The following SLC22A25 variants were observed in gnomAD, a reference collection of about 807,000 sequenced individuals.
The protein encoded by SLC22A25 is MGI:2442751, MGI:2385316, MGI:3042283, MGI:3645714, MGI:3605624, MGI:2442750.
A neutral mutation model predicts 45.9 loss-of-function variants in SLC22A25; 44 were observed. The observed-to-expected ratio is 0.96, with a 90% CI of 0.75 to 1.23. The LOEUF (loss-of-function observed/expected upper bound fraction) is 1.23, where lower values mean the gene tolerates loss of function less well. SLC22A25 is among the 50% of genes most tolerant of loss of function. The pLI is 0.00. For missense variants in SLC22A25, 800 were observed against 666.4 expected (o/e 1.20, Z -2.21); for synonymous variants, 283 against 238.6 (o/e 1.19, Z -1.72).
At position 63,229,368 on chromosome 11, in the gene SLC22A25, CTGGGGA is replaced by C. The variant is rs750720000; in HGVS notation, c.279_284del (p.His93_Pro94del). The C allele has an allele frequency of 6.2e-7, 1 of 1,614,020 alleles. No individual in the cohort carries two copies. The highest frequency in any genetic ancestry group is 1.1e-5 in the South Asian group (1 of 91,056). ...TCCCATTCAGATGAATGAGCTTCCA[CTGGGGA>C]TGGACAAAGCGACGACACTTCTCTG... On this transcript the variant is annotated inframe_deletion, in exon 4 of 12. Coordinates refer to ENST00000306494, the MANE Select transcript of SLC22A25 (RefSeq NM_199352.6).
At chr11:63,178,220 T>C (rs2088188236) in intron 9 of SLC22A25, among the ~76,000 whole-genome samples, 1 of 152,002 alleles carries the variant, frequency 6.6e-6, no homozygotes, top group Admixed American at 6.6e-5. Flanking sequence ...ATACAGCCAT[T>C]GATAAACATT....
intron 2 of SLC22A25, 44 bp downstream of exon 2, chr11:63,238,672 TA>T: frequency 6.1e-6 from 1 of 163,342 alleles, no homozygotes. Flanking sequence ...GTGTTATTTG[TA>T]AACACTGTAG....
At position 63,168,253 on chromosome 11, in the gene SLC22A25, C is replaced by T. The variant is rs114157578; in HGVS notation, c.1071-1995G>A. Among the ~76,000 whole-genome samples, 378 of 152,250 alleles carry T rather than the reference C, an allele frequency of 2.5e-3. 2 individuals carry two copies. Among genetic ancestry groups the T allele is most frequent in the African/African-American group, 8.7e-3 (361 of 41,548 alleles). ...GCTGAAAATTCCAAAAAACCGAATG[C>T]GTCTTCTCCTCCAAATGATGACATT... On this transcript the variant is annotated intron_variant, in intron 9 of 11. Coordinates refer to ENST00000306494, the MANE Select transcript of SLC22A25 (RefSeq NM_199352.6).
chr11:63,208,745 C>T (rs867324567), intron 7 of SLC22A25, among the ~76,000 whole-genome samples: 4 of 152,020 alleles, frequency 2.6e-5, no homozygotes, highest in Non-Finnish European at 5.9e-5. Context: ...GGGCTGTGTG[C>T]TTGGAGGTGA....
At chr11:63,183,871 A>G in intron 7 of SLC22A25, 54 bp from the exon 8 acceptor site, 1 of 1,608,548 alleles carries the variant, frequency 6.2e-7, no homozygotes, top group Non-Finnish European at 8.5e-7. Flanking sequence ...TCATTTTTTC[A>G]CATAACATTT....
At position 63,234,441 on chromosome 11, in the gene SLC22A25, C is replaced by G. The variant is rs544254945; in HGVS notation, c.-445+3440G>C. Among the ~76,000 whole-genome samples the G allele has an allele frequency of 1.2e-4, 18 of 152,240 alleles. 1 individual carries two copies. The highest frequency in any genetic ancestry group is 9.8e-4 in the Admixed American group (15 of 15,288). ...TTTGTTGGTTTAAAGTCTGTTTTAT[C>G]AGAGACTAGGATTGCAACCCCTGCC... is the stretch of plus-strand genomic sequence containing the variant. On this transcript the variant is annotated intron_variant, in intron 3 of 11. Coordinates refer to ENST00000306494, the MANE Select transcript of SLC22A25 (RefSeq NM_199352.6).
At chr11:63,243,304 T>A (rs1281825401) in intron 1 of SLC22A25, 130 bp downstream of exon 1, 1 of 448,130 alleles carries the variant, frequency 2.2e-6, no homozygotes, top group Non-Finnish European at 4.2e-6. Context: ...CCACTTCTGA[T>A]GGTGGCCAAC....
In SLC22A25 at chr11:63,158,986, A is replaced by G. The variant is rs1055257389; in HGVS notation, c.*4838T>C. ...ATTGTTTTTATTTTTATCTCACACA[A>G]ATAAGCAAGAACATGTGATGTTTGT... is the stretch of plus-strand genomic sequence containing the variant. On this transcript the variant is annotated 3_prime_UTR_variant, in exon 12 of 12. Coordinates refer to ENST00000306494, the MANE Select transcript of SLC22A25 (RefSeq NM_199352.6). Among the ~76,000 whole-genome samples the G allele has an allele frequency of 3.3e-5, 5 of 152,140 alleles. No individual in the cohort carries two copies. The highest frequency in any genetic ancestry group is 5.9e-5 in the Non-Finnish European group (4 of 68,032).
Position 63,241,334 on chromosome 11 carries a change from G to A in SLC22A25, c.-996+2100C>T, listed in dbSNP as rs1590929457. Among the ~76,000 whole-genome samples, 3 of 152,132 alleles carry A rather than the reference G, an allele frequency of 2.0e-5. No homozygotes were observed. The East Asian group carries it at 5.8e-4, about 29-fold the overall frequency. On this transcript the variant is annotated intron_variant, in intron 1 of 11. Coordinates refer to ENST00000306494, the MANE Select transcript of SLC22A25 (RefSeq NM_199352.6). ...TTGCATTGGAGAGGCTAATGACAGA[G>A]CCTGGTGGACTTCAACTCTGTCATT...
chr11:63,210,019 T>A (rs965924723), intron 7 of SLC22A25, among the ~76,000 whole-genome samples: 1 of 152,118 alleles, frequency 6.6e-6, no homozygotes, highest in African/African-American at 2.4e-5. Context: ...AGGAAGGCAA[T>A]GAATATGAGT....
At chr11:63,220,079 A>G (rs2089818268) in intron 5 of SLC22A25, 6 of 1,113,692 alleles carry the variant, frequency 5.4e-6, no homozygotes, top group Non-Finnish European at 7.2e-6. Flanking sequence ...CTCATGTCAC[A>G]GACTGTGACA....
chr11:63,243,566 G>T lies in SLC22A25; in HGVS notation c.-1128C>A, dbSNP rs563305057. 1.2e-5 allele frequency: 9 copies of T among 762,596 alleles called. No individual in the cohort carries two copies. In the African/African-American group the frequency reaches 1.2e-4, roughly 10 times the overall value. 47.2% of individuals were successfully genotyped at this position (762,596 alleles called of 1,614,324 possible). The stretch of plus-strand genomic sequence containing the variant: ...TGCCAAAAAGCTGTGCATTTATACC[G>T]ACAACTCCATCAAGCCTCAGGAGCT... On this transcript the variant is annotated 5_prime_UTR_variant, in exon 1 of 12. It introduces an in-frame stop codon into an upstream open reading frame of the 5' UTR. Transcript: ENST00000306494.
intron 7 of SLC22A25, among the ~76,000 whole-genome samples, chr11:63,193,543 A>G (rs1565089512): frequency 6.6e-6 from 1 of 152,234 alleles, no homozygotes; most frequent in Non-Finnish European, 1.5e-5. Flanking sequence ...ACCTCCAGCA[A>G]ACTCCAACAG....
intron 9 of SLC22A25, among the ~76,000 whole-genome samples, chr11:63,178,786 C>G (rs2088211579): frequency 6.6e-6 from 1 of 151,576 alleles, no homozygotes; most frequent in African/African-American, 2.4e-5. Flanking sequence ...GATTGTTTTC[C>G]TTTGTTGTGC....
At chr11:63,210,475 C>T (rs796526834) in intron 7 of SLC22A25, among the ~76,000 whole-genome samples, 18 of 152,190 alleles carry the variant, frequency 1.2e-4, no homozygotes, top group South Asian at 4.2e-4. Context: ...GGCAAATGGG[C>T]CACTGGAAAG....
intron 5 of SLC22A25, among the ~76,000 whole-genome samples, chr11:63,226,535 A>G (rs1277521501): frequency 6.6e-6 from 1 of 152,254 alleles, no homozygotes; most frequent in African/African-American, 2.4e-5. Context: ...GTAGCTAGTG[A>G]TGGGATGACA....
intron 7 of SLC22A25, among the ~76,000 whole-genome samples, chr11:63,207,805 A>AACAT (rs1358277051): frequency 1.3e-5 from 2 of 152,218 alleles, no homozygotes; most frequent in Admixed American, 1.3e-4. Context: ...CAAGTCGTAA[A>AACAT]ACATGTTTGT....
In SLC22A25 at chr11:63,177,581, G is replaced by T. The variant is rs1243232037; in HGVS notation, c.1070+3079C>A. Among the ~76,000 whole-genome samples, 8 of 151,378 alleles carry T rather than the reference G, an allele frequency of 5.3e-5. No homozygotes were observed. The East Asian group carries it at 9.7e-4, about 18-fold the overall frequency. ...TTCCCCAGTACCCTTCCCAGCTTCT[G>T]GTAGCCACCATTTCACTTATTACCA... On this transcript the variant is annotated intron_variant, in intron 9 of 11. Coordinates refer to ENST00000306494, the MANE Select transcript of SLC22A25 (RefSeq NM_199352.6).
intron 7 of SLC22A25, 143 bp from the exon 8 acceptor site, chr11:63,183,960 T>G: frequency 1.7e-6 from 2 of 1,177,744 alleles, no homozygotes; most frequent in Non-Finnish European, 2.4e-6. Context: ...CTACATTCTC[T>G]TGTGCCATCA....
Sources: gnomAD v4.1 joint callset for allele counts (sites outside exome capture counted in the v4.1 genomes callset) on GRCh38, gnomAD v4.1.1 for gene constraint, MANE v1.5 for transcripts, NCBI Gene and HGNC (gene_info 2026-07-23, HGNC 2026-07-21) for gene names.